The following ENTPD1 variants were observed in gnomAD, a reference collection of about 807,000 sequenced individuals.
ENTPD1 encodes the protein ectonucleoside triphosphate diphosphohydrolase 1, also known as ATP diphosphohydrolase.
In ENTPD1, 33 loss-of-function variants were observed where a neutral mutation model predicts 57.0. The ratio of observed to expected loss-of-function variants is 0.58; its 90% CI spans 0.44 to 0.77. The LOEUF is 0.77. ENTPD1 is among the 30% of genes least tolerant of loss of function. The probability of loss-of-function intolerance (pLI) is 0.00; values close to 1 mark genes in which losing one functional copy is unlikely to be tolerated. For missense variants in ENTPD1, 501 were observed against 603.4 expected (o/e 0.83, Z 1.78); for synonymous variants, 202 against 218.8 (o/e 0.92, Z 0.68).
chr10:95,821,448 C>T (rs954757821), intron 1 of ENTPD1, among the ~76,000 whole-genome samples: 3 of 152,166 alleles, frequency 2.0e-5, no homozygotes, highest in African/African-American at 7.2e-5. Context: ...TTTCCCTAGA[C>T]TTGCCCCAGA....
chr10:95,863,188 A>G (rs1014118380), intron 8 of ENTPD1, among the ~76,000 whole-genome samples: 2 of 152,186 alleles, frequency 1.3e-5, no homozygotes, highest in African/African-American at 2.4e-5. Context: ...AGATTTCCAG[A>G]AGGAGGAGGG....
intron 2 of ENTPD1, among the ~76,000 whole-genome samples, chr10:95,825,609 G>T (rs201018846): frequency 6.6e-6 from 1 of 152,008 alleles, no homozygotes; most frequent in African/African-American, 2.4e-5. Context: ...ATGGAGTCTC[G>T]CTCTGTCGCC....
intron 8 of ENTPD1, chr10:95,861,449 A>G (rs1026107560): frequency 2.0e-5 from 3 of 152,218 alleles, no homozygotes; most frequent in African/African-American, 7.2e-5. Context: ...TGGTGTTTTC[A>G]TTCTTAAGAA....
At chr10:95,853,533 G>A (rs907655286) in intron 7 of ENTPD1, among the ~76,000 whole-genome samples, 3 of 152,112 alleles carry the variant, frequency 2.0e-5, no homozygotes, top group African/African-American at 7.2e-5. Flanking sequence ...AATGCTTCCA[G>A]TTTTTGCCCA....
At chr10:95,707,283 C>T (rs1162858523), upstream of ENTPD1, among the ~76,000 whole-genome samples, 1 of 152,174 alleles carries the variant, frequency 6.6e-6, no homozygotes, top group African/African-American at 2.4e-5. Context: ...TGCAGCCCTG[C>T]CCAGGAGGGT....
intron 2 of ENTPD1, among the ~76,000 whole-genome samples, chr10:95,831,137 T>C (rs2098395438): frequency 6.6e-6 from 1 of 152,184 alleles, no homozygotes. Context: ...ATGGAACAGG[T>C]ACCTTGGGAC....
chr10:95,744,018 A>ATATG (rs1252708137), intron 1 of ENTPD1, among the ~76,000 whole-genome samples: 3 of 143,150 alleles, frequency 2.1e-5, no homozygotes, highest in African/African-American at 7.5e-5. Context: ...ATATATATAT[A>ATATG]TATATATATA....
intron 5 of ENTPD1, 109 bp downstream of exon 5, chr10:95,844,744 G>T: frequency 7.9e-7 from 1 of 1,261,190 alleles, no homozygotes; most frequent in Non-Finnish European, 1.2e-6. Flanking sequence ...ATGATAGATG[G>T]ATGGATGGAT....
chr10:95,707,650 G>A (rs745484800), upstream of ENTPD1, among the ~76,000 whole-genome samples: 2 of 152,158 alleles, frequency 1.3e-5, no homozygotes, highest in Non-Finnish European at 2.9e-5. Context: ...TGTGTCTCAG[G>A]CTGGAGTGCA....
At chr10:95,794,294 C>G (rs2098217560) in intron 1 of ENTPD1, among the ~76,000 whole-genome samples, 1 of 151,982 alleles carries the variant, frequency 6.6e-6, no homozygotes, top group East Asian at 1.9e-4. Context: ...TAATCATAAC[C>G]CTATCAACCA....
intron 1 of ENTPD1, among the ~76,000 whole-genome samples, chr10:95,737,218 CGTCTA>C (rs1425974514): frequency 6.8e-6 from 1 of 146,130 alleles, no homozygotes; most frequent in African/African-American, 2.6e-5. Flanking sequence ...TTGTGGAGCT[CGTCTA>C]GTGGGGGAGT....
chr10:95,857,569 A>G (rs940644788), intron 7 of ENTPD1, among the ~76,000 whole-genome samples: 1 of 152,230 alleles, frequency 6.6e-6, no homozygotes, highest in African/African-American at 2.4e-5. Flanking sequence ...AGGAAAAATG[A>G]GGAATAGTTG....
At position 95,869,308 on chromosome 10, in the gene ENTPD1, G is replaced by A. The variant is rs963889347; in HGVS notation, c.*2925G>A. On this transcript the variant is annotated 3_prime_UTR_variant, in exon 10 of 10. Coordinates refer to ENST00000371205, the MANE Select transcript of ENTPD1 (RefSeq NM_001776.6). ...TCCATTGCCCAGGCTGGAGTGCAGT[G>A]GTGCTATCTCGGCTCACTGCAACCT... 1 of 936,762 alleles carries A rather than the reference G, an allele frequency of 1.1e-6. No individual in the cohort carries two copies. The highest frequency in any genetic ancestry group is 1.3e-6 in the Non-Finnish European group (1 of 792,482). The allele number at this position is 936,762 out of a possible 1,614,324, so 58.0% of individuals were successfully genotyped here.
At chr10:95,725,881 T>A (rs939243761) in intron 1 of ENTPD1, among the ~76,000 whole-genome samples, 2 of 152,256 alleles carry the variant, frequency 1.3e-5, no homozygotes, top group African/African-American at 4.8e-5. Flanking sequence ...ACATCCCAAC[T>A]GGAACTACAA....
upstream of ENTPD1, among the ~76,000 whole-genome samples, chr10:95,750,945 C>A (rs1029451501): frequency 2.7e-5 from 4 of 146,432 alleles, no homozygotes; most frequent in South Asian, 9.0e-4. Context: ...ATTGCTTGAA[C>A]CTGGGAGGCG....
chr10:95,872,658 T>TG lies in ENTPD1; in HGVS notation c.*6277dup, dbSNP rs2098481758. 2.8e-5 allele frequency: 27 copies of TG among 968,224 alleles called. No homozygotes were observed. Among genetic ancestry groups the TG allele is most frequent in the Non-Finnish European group, 3.3e-5 (27 of 823,890 alleles). The allele number at this position is 968,224 out of a possible 1,614,324, so 60.0% of individuals were successfully genotyped here. ...TGTTACCTATTTCTTTCTGAAAAGT[T>TG]GGATTCAGGGATATTATCACGGACC... is the stretch of plus-strand genomic sequence containing the variant. On this transcript the variant is annotated 3_prime_UTR_variant, in exon 10 of 10. Coordinates refer to ENST00000371205, the MANE Select transcript of ENTPD1 (RefSeq NM_001776.6).
chr10:95,839,167 T>C (rs1299731564), intron 2 of ENTPD1: 1 of 156,382 alleles, frequency 6.4e-6, no homozygotes, highest in Non-Finnish European at 1.4e-5. Context: ...CCCAAACTTA[T>C]CTGCACATTA....
chr10:95,772,003 G>A (rs986381211), intron 1 of ENTPD1, among the ~76,000 whole-genome samples: 2 of 152,176 alleles, frequency 1.3e-5, no homozygotes, highest in African/African-American at 4.8e-5. Flanking sequence ...TGGTTTCCCA[G>A]TGCATATAAA....
In ENTPD1 at chr10:95,867,537, G is replaced by A. The variant is rs572173214; in HGVS notation, c.*1154G>A. On this transcript the variant is annotated 3_prime_UTR_variant, in exon 10 of 10. Transcript: ENST00000371205. Reference sequence around the variant, plus strand: ...TGGAGTGGCATGCTTTTGCCCTATCGTGGAATTTACACATCAGAATGTGCA... The same window carrying A: ...TGGAGTGGCATGCTTTTGCCCTATCATGGAATTTACACATCAGAATGTGCA... The A allele has an allele frequency of 3.9e-4, 389 of 985,408 alleles. 2 individuals carry two copies. The highest frequency in any genetic ancestry group is 4.2e-4 in the Non-Finnish European group (351 of 829,932). The allele number at this position is 985,408 out of a possible 1,614,324, so 61.0% of individuals were successfully genotyped here. A position where few individuals can be genotyped will look rare whatever the true frequency, so the allele number is the denominator to read the frequency against.
Sources: allele counts gnomAD v4.1 joint callset (sites outside exome capture counted in the v4.1 genomes callset), GRCh38; gene constraint gnomAD v4.1.1; transcripts MANE v1.5; gene names NCBI Gene and HGNC (gene_info 2026-07-23, HGNC 2026-07-21).